The following PHKA2 variants were observed in gnomAD, a reference collection of about 807,000 sequenced individuals.
The protein encoded by PHKA2 is phosphorylase kinase regulatory subunit alpha 2, also known as phosphorylase b kinase regulatory subunit alpha, liver isoform.
Under a neutral mutation model 102.0 loss-of-function variants are expected in PHKA2, and 31 were observed. The observed-to-expected ratio is 0.30, with a 90% CI of 0.23 to 0.41. The LOEUF is 0.41. Among genes scored for constraint, PHKA2 ranks in the 10% least tolerant of loss-of-function variants. The pLI, the probability that PHKA2 is intolerant of heterozygous loss-of-function variation, is 1.00. For synonymous variants in PHKA2, 455 were observed against 416.2 expected, an observed-to-expected ratio of 1.09 and a Z score of -1.13; for missense variants, 858 against 1,023.1, an observed-to-expected ratio of 0.84 and a Z score of 2.20.
intron 30 of PHKA2, 83 bp from the exon 31 acceptor site, chrX:18,895,274 A>C: frequency 1.2e-6 from 1 of 865,326 alleles, no homozygotes; most frequent in Non-Finnish European, 1.7e-6. Context: ...GCATGCACAC[A>C]CAGCACCCTC....
chrX:18,979,554 A>C (rs984141818), intron 1 of PHKA2, among the ~76,000 whole-genome samples: 24 of 111,980 alleles, frequency 2.1e-4, no homozygotes, highest in Non-Finnish European at 4.1e-4. Context: ...AAAACAATCT[A>C]AGAATTTCTT....
chrX:18,925,133 A>C (rs1254190080), intron 15 of PHKA2, among the ~76,000 whole-genome samples: 17 of 112,537 alleles, frequency 1.5e-4, no homozygotes, highest in Non-Finnish European at 2.8e-4. Context: ...CCCTGTGCCC[A>C]GGTAAGCAGG....
At chrX:18,920,899 G>T (rs1312333621) in intron 17 of PHKA2, among the ~76,000 whole-genome samples, 1 of 112,320 alleles carries the variant, frequency 8.9e-6, no homozygotes, top group Non-Finnish European at 1.9e-5. Context: ...AGAAAGCAAT[G>T]GATCCCTCCC....
chrX:18,931,828 G>A, intron 11 of PHKA2, 80 bp from the exon 12 acceptor site: 3 of 690,338 alleles, frequency 4.3e-6, no homozygotes, highest in Non-Finnish European at 7.1e-6. Context: ...AATGCACTGA[G>A]GATTTATGAA....
chrX:18,979,704 T>C (rs766101619), intron 1 of PHKA2, among the ~76,000 whole-genome samples: 3 of 111,873 alleles, frequency 2.7e-5, no homozygotes, highest in South Asian at 7.3e-4. Flanking sequence ...GCAAGTATAT[T>C]TGGCAAATGA....
rs748052446 is a variant in PHKA2, at chrX:18,893,272, C to G, written c.*213G>C. On this transcript the variant is annotated 3_prime_UTR_variant, in exon 33 of 33. Transcript: ENST00000379942. ...GAACCTAGAAAATGATCCCGGGGTG[C>G]TCCTTGCGGGGGAACACAGGACTCC... 6.6e-6 allele frequency: 3 copies of G among 454,318 alleles called. No individual in the cohort carries two copies. The South Asian group carries it at 9.4e-5, about 14-fold the overall frequency. 37.4% of individuals were successfully genotyped at this position (454,318 alleles called of 1,213,427 possible). A position where few individuals can be genotyped will look rare whatever the true frequency, so the allele number is the denominator to read the frequency against.
Position 18,906,642 on chromosome X carries a change from G to A in PHKA2, c.2677-18C>T, listed in dbSNP as rs1569297500. The A allele has an allele frequency of 8.4e-6, 10 of 1,196,931 alleles. No homozygotes were observed. In the East Asian group the frequency reaches 8.9e-5, roughly 11 times the overall value. On this transcript the variant is annotated intron_variant, in intron 24 of 32. Transcript: ENST00000379942. ...ACAATCTCCTGAGGCAGACACACACGGAGATAGGGTTTCAGAGACAGGGTG... is the reference window on the plus strand; with the variant it reads ...ACAATCTCCTGAGGCAGACACACACAGAGATAGGGTTTCAGAGACAGGGTG...
At position 18,893,316 on chromosome X, in the gene PHKA2, C is replaced by T. The variant is rs779795628; in HGVS notation, c.*169G>A. 25 of 526,594 alleles carry T rather than the reference C, an allele frequency of 4.7e-5. No individual in the cohort carries two copies. Among genetic ancestry groups the T allele is most frequent in the African/African-American group, 1.6e-4 (7 of 43,391 alleles). The allele number at this position is 526,594 out of a possible 1,213,427, so 43.4% of individuals were successfully genotyped here. ...GGACTCCTCAGCTCTATCTCTGTGGCTTTAACATACATCAGTTTCAGGGTG... is the reference window on the plus strand; with the variant it reads ...GGACTCCTCAGCTCTATCTCTGTGGTTTTAACATACATCAGTTTCAGGGTG... On this transcript the variant is annotated 3_prime_UTR_variant, in exon 33 of 33. Transcript: ENST00000379942.
chrX:18,966,666 T>TG (rs1193426424), intron 1 of PHKA2, among the ~76,000 whole-genome samples: 1 of 112,234 alleles, frequency 8.9e-6, no homozygotes, highest in Non-Finnish European at 1.9e-5. Flanking sequence ...GGCAGGGCCC[T>TG]GGGTTATCCC....
intron 7 of PHKA2, among the ~76,000 whole-genome samples, chrX:18,943,138 G>A (rs747563505): frequency 1.4e-4 from 16 of 111,575 alleles, no homozygotes; most frequent in Non-Finnish European, 2.1e-4. Flanking sequence ...GCGGGCCCTC[G>A]CTAAATAAGA....
chrX:18,982,242 T>C lies in PHKA2; in HGVS notation c.78+1613A>G, dbSNP rs2049180462. ...TCAAAATAAAGACCATCATCCTTCATGTGCAATCTCAAAAGCCAGTAAGCT... is the reference window on the plus strand; with the variant it reads ...TCAAAATAAAGACCATCATCCTTCACGTGCAATCTCAAAAGCCAGTAAGCT... On this transcript the variant is annotated intron_variant, in intron 1 of 32. Transcript: ENST00000379942. Among the ~76,000 whole-genome samples the C allele has an allele frequency of 2.7e-5, 3 of 111,849 alleles. No homozygotes were observed. The South Asian group carries it at 1.1e-3, about 42-fold the overall frequency.
In PHKA2 at chrX:18,892,687, G is replaced by A. The variant is rs764618433; in HGVS notation, c.*798C>T. ...GCGGGGCGTTCACCCCACGCGAGCG[G>A]GGACAACAGGTCTAGCCCTAAACAA... On this transcript the variant is annotated 3_prime_UTR_variant, in exon 33 of 33. Coordinates refer to ENST00000379942, the MANE Select transcript of PHKA2 (RefSeq NM_000292.3). 8.9e-6 allele frequency: 1 copy of A among 112,090 alleles called. No homozygotes were observed. Among genetic ancestry groups the A allele is most frequent in the Non-Finnish European group, 1.9e-5 (1 of 53,467 alleles). 9.2% of individuals were successfully genotyped at this position (112,090 alleles called of 1,213,427 possible). A position where few individuals can be genotyped will look rare whatever the true frequency, so the allele number is the denominator to read the frequency against.
intron 1 of PHKA2, among the ~76,000 whole-genome samples, chrX:18,975,557 C>T (rs573320760): frequency 8.9e-6 from 1 of 112,368 alleles, no homozygotes; most frequent in South Asian, 3.7e-4. Context: ...ACTCTATCTT[C>T]CACCCTAAAC....
At position 18,918,493 on chromosome X, in the gene PHKA2, T is replaced by C. The variant is rs1324460354; in HGVS notation, c.2137+188A>G. On this transcript the variant is annotated intron_variant, in intron 19 of 32. Coordinates refer to ENST00000379942, the MANE Select transcript of PHKA2 (RefSeq NM_000292.3). ...GAAGACAGCAGTATGTACACATTAT[T>C]TGAGAAATATGGAGATATGTACATA... 4.5e-5 allele frequency among the ~76,000 whole-genome samples: 5 copies of C among 112,022 alleles called. No homozygotes were observed. In the South Asian group the frequency reaches 1.5e-3, roughly 34 times the overall value.
rs184400031 is a variant in PHKA2, at chrX:18,903,783, A to T, written c.2908+1975T>A. Among the ~76,000 whole-genome samples, 3 of 111,922 alleles carry T rather than the reference A, an allele frequency of 2.7e-5. No individual in the cohort carries two copies. The East Asian group carries it at 8.5e-4, about 32-fold the overall frequency. ...ACCGGTCCCTAGCCCCACCACCCAC[A>T]AGCCTGGCCTCTGTGCTGTGGTAAC... On this transcript the variant is annotated intron_variant, in intron 26 of 32. Coordinates refer to ENST00000379942, the MANE Select transcript of PHKA2 (RefSeq NM_000292.3).
At chrX:18,959,692 G>A (rs2048840841) in intron 1 of PHKA2, among the ~76,000 whole-genome samples, 1 of 111,182 alleles carries the variant, frequency 9.0e-6, no homozygotes, top group South Asian at 3.8e-4. Flanking sequence ...GGCAAATTCT[G>A]TAATAATATC....
At chrX:18,957,066 C>G (rs1166446493) in intron 1 of PHKA2, among the ~76,000 whole-genome samples, 2 of 112,325 alleles carry the variant, frequency 1.8e-5, no homozygotes, top group African/African-American at 6.5e-5. Flanking sequence ...CCACACCCAG[C>G]TAATTTTCTG....
intron 1 of PHKA2, among the ~76,000 whole-genome samples, chrX:18,968,395 T>G (rs1389643239): frequency 9.3e-6 from 1 of 107,813 alleles, no homozygotes; most frequent in African/African-American, 3.6e-5. Flanking sequence ...TTGAAGTATA[T>G]GAAGAAAATC....
chrX:18,966,950 G>A (rs2048954108), intron 1 of PHKA2, among the ~76,000 whole-genome samples: 1 of 111,731 alleles, frequency 9.0e-6, no homozygotes, highest in Admixed American at 9.5e-5. Flanking sequence ...GCTCAGACAA[G>A]AATGGTGGTG....
Sources: allele counts gnomAD v4.1 joint callset (sites outside exome capture counted in the v4.1 genomes callset), GRCh38; gene constraint gnomAD v4.1.1; transcripts MANE v1.5; gene names NCBI Gene and HGNC (gene_info 2026-07-23, HGNC 2026-07-21).